WDPCP: variants seen among roughly 807,000 people sequenced by gnomAD.
WDPCP encodes the protein WD repeat-containing and planar cell polarity effector protein fritz homolog.
Under a neutral mutation model 93.1 loss-of-function variants are expected in WDPCP, and 71 were observed. That is an observed-to-expected ratio of 0.76 (90% CI 0.63 to 0.93). The LOEUF (loss-of-function observed/expected upper bound fraction) is 0.93. WDPCP is among the 40% of genes least tolerant of loss of function. WDPCP has a pLI of 0.00. For synonymous variants in WDPCP, 315 were observed against 315.0 expected (o/e 1.00, Z 0.00); for missense variants, 844 against 887.4 (o/e 0.95, Z 0.62).
intron 14 of WDPCP, among the ~76,000 whole-genome samples, chr2:63,227,670 G>T (rs2104527307): frequency 6.6e-6 from 1 of 151,988 alleles, no homozygotes; most frequent in East Asian, 1.9e-4. Flanking sequence ...CTGAGTCTGT[G>T]TCCTCATTTG....
chr2:63,580,096 A>T (rs1218806685), intron 1 of WDPCP, among the ~76,000 whole-genome samples: 3 of 152,170 alleles, frequency 2.0e-5, no homozygotes, highest in Non-Finnish European at 4.4e-5. Context: ...CAGGACTATG[A>T]GCCAAATAAA....
At chr2:63,317,350 G>A (rs915759257) in intron 12 of WDPCP, among the ~76,000 whole-genome samples, 1 of 150,734 alleles carries the variant, frequency 6.6e-6, no homozygotes, top group Non-Finnish European at 1.5e-5. Flanking sequence ...AGAGGTTGCA[G>A]TGAGCCAAGA....
At chr2:63,652,005 T>C (rs1710114764) in intron 2 of WDPCP, among the ~76,000 whole-genome samples, 1 of 152,178 alleles carries the variant, frequency 6.6e-6, no homozygotes. Context: ...TGGCTCCATA[T>C]GGAGAAAAAG....
At chr2:63,350,173 A>C (rs1421251762) in intron 12 of WDPCP, among the ~76,000 whole-genome samples, 1 of 152,206 alleles carries the variant, frequency 6.6e-6, no homozygotes. Flanking sequence ...CATCATTATC[A>C]GCAAACTATC....
intron 2 of WDPCP, among the ~76,000 whole-genome samples, chr2:63,756,552 A>G (rs1466109721): frequency 2.6e-5 from 4 of 152,172 alleles, no homozygotes; most frequent in Non-Finnish European, 5.9e-5. Flanking sequence ...GTGGGAGTAG[A>G]ATGTACACAA....
At chr2:63,352,284 C>T (rs1267066792) in intron 12 of WDPCP, among the ~76,000 whole-genome samples, 1 of 152,030 alleles carries the variant, frequency 6.6e-6, no homozygotes, top group African/African-American at 2.4e-5. Flanking sequence ...TCAGGATGCA[C>T]TTGTCTATTT....
intron 2 of WDPCP, among the ~76,000 whole-genome samples, chr2:63,728,850 T>C (rs776676578): frequency 2.6e-5 from 4 of 152,104 alleles, no homozygotes; most frequent in Non-Finnish European, 5.9e-5. Flanking sequence ...GAACTGAAAA[T>C]ATTTGGGAAG....
upstream of WDPCP, chr2:63,593,718 A>G (rs954807720): frequency 2.1e-6 from 1 of 470,936 alleles, no homozygotes; most frequent in African/African-American, 2.0e-5. Context: ...CTGTCTAACT[A>G]AACCTACCCA....
intron 3 of WDPCP, among the ~76,000 whole-genome samples, chr2:63,608,887 G>T (rs1709584173): frequency 6.6e-6 from 1 of 152,084 alleles, no homozygotes; most frequent in South Asian, 2.1e-4. Context: ...CTACCTTTAG[G>T]ACTACTATTA....
Position 63,814,706 on chromosome 2 carries a change from A to G in WDPCP, n.223-999T>C, listed in dbSNP as rs530356449. On this transcript the variant is annotated intron_variant and non_coding_transcript_variant, in intron 1 of 4. Transcript: ENST00000467687. ...ACTTTAAAATGCCTATTTGATTTTA[A>G]ATTGTGTTTTTGAAAACAGCACTAT... is the stretch of plus-strand genomic sequence containing the variant. Among the ~76,000 whole-genome samples, 14 of 152,338 alleles carry G rather than the reference A, an allele frequency of 9.2e-5. No individual in the cohort carries two copies. In the East Asian group the frequency reaches 2.3e-3, roughly 25 times the overall value.
chr2:63,679,162 C>A (rs1710459503), intron 2 of WDPCP, among the ~76,000 whole-genome samples: 1 of 152,170 alleles, frequency 6.6e-6, no homozygotes, highest in African/African-American at 2.4e-5. Context: ...TCCCAATACC[C>A]CTACTCAATC....
chr2:63,582,621 CATA>C (rs1708569618), intron 1 of WDPCP, among the ~76,000 whole-genome samples: 1 of 151,942 alleles, frequency 6.6e-6, no homozygotes, highest in African/African-American at 2.4e-5. Context: ...CAAGGCACAT[CATA>C]ATGAAATTAC....
chr2:63,582,527 C>G (rs1708562541), intron 1 of WDPCP, among the ~76,000 whole-genome samples: 1 of 151,968 alleles, frequency 6.6e-6, no homozygotes, highest in Admixed American at 6.6e-5. Context: ...AAAATTTCCC[C>G]AAATTCATTG....
intron 2 of WDPCP, among the ~76,000 whole-genome samples, chr2:63,779,126 G>A (rs1378734113): frequency 2.0e-5 from 3 of 152,060 alleles, no homozygotes; most frequent in Non-Finnish European, 2.9e-5. Flanking sequence ...ATTTTGAGGG[G>A]ACAGGCTCAA....
intron 6 of WDPCP, among the ~76,000 whole-genome samples, chr2:63,450,493 C>T (rs935469050): frequency 1.3e-5 from 2 of 152,186 alleles, no homozygotes; most frequent in African/African-American, 2.4e-5. Context: ...TGGCCCACCA[C>T]TGCCACTACT....
At position 63,811,684 on chromosome 2, in the gene WDPCP, T is replaced by C. The variant is rs1271052003; in HGVS notation, n.308+1938A>G. The stretch of plus-strand genomic sequence containing the variant: ...GGGTATATTGCTTGATGCTGAGGTT[T>C]GGGGTATGAAAGACCTTGTCACTCG... On this transcript the variant is annotated intron_variant and non_coding_transcript_variant, in intron 2 of 4. Coordinates refer to the WDPCP transcript ENST00000467687. Among the ~76,000 whole-genome samples the C allele has an allele frequency of 4.0e-5, 6 of 151,782 alleles. No homozygotes were observed. The East Asian group carries it at 1.2e-3, about 29-fold the overall frequency.
chr2:63,580,755 T>C (rs1708442223), intron 1 of WDPCP, among the ~76,000 whole-genome samples: 1 of 152,220 alleles, frequency 6.6e-6, no homozygotes, highest in Non-Finnish European at 1.5e-5. Flanking sequence ...ACTGGCAGCG[T>C]GTCAACAGGA....
intron 13 of WDPCP, among the ~76,000 whole-genome samples, chr2:63,290,448 A>G (rs972654018): frequency 5.4e-5 from 8 of 149,304 alleles, no homozygotes; most frequent in Admixed American, 6.7e-5. Flanking sequence ...AAATAATTAT[A>G]TACTAAAGAA....
intron 12 of WDPCP, among the ~76,000 whole-genome samples, chr2:63,366,924 C>T (rs1192711335): frequency 6.6e-6 from 1 of 151,934 alleles, no homozygotes; most frequent in Non-Finnish European, 1.5e-5. Flanking sequence ...GTGTACTCAT[C>T]TATAAAATAG....
Sources: gnomAD v4.1 joint callset for allele counts (sites outside exome capture counted in the v4.1 genomes callset) on GRCh38, gnomAD v4.1.1 for gene constraint, MANE v1.5 for transcripts, NCBI Gene and HGNC (gene_info 2026-07-23, HGNC 2026-07-21) for gene names.